PPP1R42: variants seen among roughly 807,000 people sequenced by gnomAD.
The protein encoded by PPP1R42 is leucine rich repeat containing 67.
A neutral mutation model predicts 31.0 loss-of-function variants in PPP1R42; 34 were observed. That is an observed-to-expected ratio of 1.10 (90% CI 0.83 to 1.46). The LOEUF is 1.46. Ranked by LOEUF, PPP1R42 falls within the 40% of genes most tolerant of loss-of-function variation. The pLI, the probability that PPP1R42 is intolerant of heterozygous loss-of-function variation, is 0.00. For missense variants in PPP1R42, 268 were observed against 303.0 expected (o/e 0.88, Z 0.86); for synonymous variants, 103 against 109.8 (o/e 0.94, Z 0.39).
intron 7 of PPP1R42, among the ~76,000 whole-genome samples, chr8:66,979,782 T>G (rs1292662523): frequency 4.6e-5 from 7 of 152,174 alleles, no homozygotes; most frequent in Non-Finnish European, 7.3e-5. Context: ...GATTGCATTG[T>G]ATAGATTGCT....
At chr8:67,024,016 C>T (rs1184020021) in intron 1 of PPP1R42, among the ~76,000 whole-genome samples, 2 of 151,662 alleles carry the variant, frequency 1.3e-5, no homozygotes, top group East Asian at 1.9e-4. Flanking sequence ...CATGGTGGCG[C>T]GCACCTGTAG....
intron 2 of PPP1R42, among the ~76,000 whole-genome samples, chr8:67,016,794 T>C (rs1455000171): frequency 6.6e-6 from 1 of 152,202 alleles, no homozygotes; most frequent in African/African-American, 2.4e-5. Flanking sequence ...GAGATTTTAA[T>C]GCATCCTTCA....
chr8:66,998,065 AT>A (rs1815384612), intron 5 of PPP1R42, among the ~76,000 whole-genome samples: 1 of 152,142 alleles, frequency 6.6e-6, no homozygotes, highest in African/African-American at 2.4e-5. Flanking sequence ...TTTCCTTTCA[AT>A]TTTGCTATGA....
intron 6 of PPP1R42, among the ~76,000 whole-genome samples, chr8:66,982,737 C>T (rs1276317984): frequency 6.6e-6 from 1 of 152,038 alleles, no homozygotes; most frequent in African/African-American, 2.4e-5. Context: ...GGATTACAGG[C>T]ATGAGCCACC....
intron 7 of PPP1R42, among the ~76,000 whole-genome samples, chr8:66,966,652 G>A (rs1179340534): frequency 6.6e-6 from 1 of 152,112 alleles, no homozygotes; most frequent in South Asian, 2.1e-4. Context: ...GGGCGTGGTG[G>A]CAGGCGCCTG....
rs373387326 is a variant in PPP1R42 at position 66,965,746 on chromosome 8, C to A, written c.803-1412G>T. 4.7e-4 allele frequency among the ~76,000 whole-genome samples: 72 copies of A among 152,040 alleles called. 1 individual carries two copies. Among genetic ancestry groups the A allele is most frequent in the Middle Eastern group, 3.4e-3 (1 of 294 alleles). On this transcript the variant is annotated intron_variant, in intron 7 of 7. Coordinates refer to ENST00000685739, the MANE Select transcript of PPP1R42 (RefSeq NM_001364910.1). ...GACCAGCCTGGACAGTATAGTGAGA[C>A]CCGGTCTGTACAAAAAAATTTAAAA...
chr8:67,018,369 C>T (rs1350430650), intron 1 of PPP1R42, among the ~76,000 whole-genome samples: 1 of 151,822 alleles, frequency 6.6e-6, no homozygotes, highest in Non-Finnish European at 1.5e-5. Context: ...TGGCCCGCCT[C>T]GGCCTCCCAA....
chr8:67,006,782 T>C (rs1347496369), intron 5 of PPP1R42, among the ~76,000 whole-genome samples: 1 of 141,776 alleles, frequency 7.1e-6, no homozygotes, highest in East Asian at 2.3e-4. Context: ...AGTCTCGCTC[T>C]GTCGTCCAGG....
At chr8:67,005,273 T>A (rs1445530279) in intron 5 of PPP1R42, among the ~76,000 whole-genome samples, 1 of 152,082 alleles carries the variant, frequency 6.6e-6, no homozygotes, top group East Asian at 1.9e-4. Context: ...AACCATTCAA[T>A]ATCATTCAGT....
At chr8:66,988,045 C>T (rs1403696504) in intron 6 of PPP1R42, 9 of 662,352 alleles carry the variant, frequency 1.4e-5, no homozygotes, top group African/African-American at 7.9e-5. Flanking sequence ...ATTTTATCTA[C>T]AGAACCAAGA....
chr8:67,008,982 G>A (rs772839538), intron 5 of PPP1R42, among the ~76,000 whole-genome samples: 1 of 152,030 alleles, frequency 6.6e-6, no homozygotes, highest in Admixed American at 6.6e-5. Context: ...AGTAATGGCC[G>A]TTACCAGGCT....
intron 4 of PPP1R42, 183 bp downstream of exon 4, chr8:67,012,775 T>C: frequency 2.2e-6 from 1 of 447,048 alleles, no homozygotes. Flanking sequence ...TCCCACTTTA[T>C]AAATGCTGAG....
intron 5 of PPP1R42, among the ~76,000 whole-genome samples, chr8:66,988,865 G>C (rs1815105262): frequency 6.6e-6 from 1 of 152,102 alleles, no homozygotes; most frequent in African/African-American, 2.4e-5. Flanking sequence ...AGGCAATTAA[G>C]GGGTAGTGAG....
At chr8:67,020,006 A>T (rs546083975) in intron 1 of PPP1R42, among the ~76,000 whole-genome samples, 1 of 152,206 alleles carries the variant, frequency 6.6e-6, no homozygotes, top group Non-Finnish European at 1.5e-5. Flanking sequence ...TCCTTTTCCC[A>T]TAGTACCCAT....
chr8:67,000,471 T>C (rs1197542548), intron 5 of PPP1R42, among the ~76,000 whole-genome samples: 1 of 152,230 alleles, frequency 6.6e-6, no homozygotes, highest in Non-Finnish European at 1.5e-5. Context: ...GATAATTTTG[T>C]TTTTTGATAT....
intron 7 of PPP1R42, among the ~76,000 whole-genome samples, chr8:66,965,398 A>G (rs553797942): frequency 6.6e-6 from 1 of 151,732 alleles, no homozygotes; most frequent in South Asian, 2.1e-4. Context: ...CCAGGAGTGA[A>G]CCACTAGCTG....
intron 5 of PPP1R42, among the ~76,000 whole-genome samples, chr8:67,003,328 T>A (rs913279154): frequency 8.0e-5 from 12 of 149,628 alleles, no homozygotes; most frequent in African/African-American, 2.5e-4. Context: ...ATCCTTCATG[T>A]CATTTCTGGG....
intron 3 of PPP1R42, among the ~76,000 whole-genome samples, 164 bp downstream of exon 3, chr8:67,014,262 G>A (rs1050032044): frequency 6.6e-6 from 1 of 151,954 alleles, no homozygotes. Flanking sequence ...AAACCCATGT[G>A]GGAATCATAT....
chr8:66,973,286 T>C (rs562516082), intron 7 of PPP1R42, among the ~76,000 whole-genome samples: 14 of 152,068 alleles, frequency 9.2e-5, no homozygotes, highest in African/African-American at 3.1e-4. Context: ...TCCTTTTTTT[T>C]TTTGGTTTTT....
Sources: gnomAD v4.1 joint callset for allele counts (sites outside exome capture counted in the v4.1 genomes callset) on GRCh38, gnomAD v4.1.1 for gene constraint, MANE v1.5 for transcripts, NCBI Gene and HGNC (gene_info 2026-07-23, HGNC 2026-07-21) for gene names.